The following PTPRG variants were observed in gnomAD, a reference collection of about 807,000 sequenced individuals.
The protein encoded by PTPRG is receptor-type tyrosine-protein phosphatase gamma.
A neutral mutation model predicts 165.3 loss-of-function variants in PTPRG; 102 were observed. The ratio of observed to expected loss-of-function variants is 0.62; its 90% confidence interval spans 0.53 to 0.73. PTPRG has a LOEUF of 0.73. PTPRG is among the 30% of genes least tolerant of loss of function. PTPRG has a pLI of 0.00. For missense variants in PTPRG, 1,866 were observed against 1,861.4 expected, an observed-to-expected ratio of 1.00 and a Z score of -0.05; for synonymous variants, 675 against 669.5, an observed-to-expected ratio of 1.01 and a Z score of -0.13.
intron 2 of PTPRG, among the ~76,000 whole-genome samples, chr3:61,817,303 A>G (rs1258652842): frequency 1.4e-5 from 2 of 147,072 alleles, no homozygotes; most frequent in African/African-American, 5.0e-5. Context: ...TTTTTTTTAA[A>G]TGGTTCAACA....
chr3:61,647,135 A>G (rs1171608194), intron 1 of PTPRG, among the ~76,000 whole-genome samples: 1 of 152,224 alleles, frequency 6.6e-6, no homozygotes, highest in African/African-American at 2.4e-5. Context: ...CAAGGGTGCC[A>G]TTGCTGGGTC....
At chr3:61,765,523 A>G (rs1175190627) in intron 2 of PTPRG, among the ~76,000 whole-genome samples, 3 of 152,176 alleles carry the variant, frequency 2.0e-5, no homozygotes, top group African/African-American at 4.8e-5. Context: ...CCAAGCCCCT[A>G]CAGCACCCTG....
chr3:62,096,720 A>T (rs976898863), intron 5 of PTPRG, among the ~76,000 whole-genome samples: 2 of 152,240 alleles, frequency 1.3e-5, no homozygotes, highest in African/African-American at 2.4e-5. Context: ...TAAAAATGAC[A>T]GTCAGCATTT....
chr3:62,202,708 G>A lies in PTPRG; in HGVS notation c.1378-465G>A, dbSNP rs141280527. 2.0e-3 allele frequency among the ~76,000 whole-genome samples: 302 copies of A among 152,318 alleles called. 1 individual carries two copies. The highest frequency in any genetic ancestry group is 7.0e-3 in the African/African-American group (289 of 41,562). The stretch of plus-strand genomic sequence containing the variant: ...TTCCTCACTGGGAGACAGTGGGGTT[G>A]GACTGGATCACCCAGTATCTTTCCA... On this transcript the variant is annotated intron_variant, in intron 11 of 29. Transcript: ENST00000474889.
In PTPRG at chr3:61,621,750, CA is replaced by C. The variant is rs776341646; in HGVS notation, c.85+59380del. 6.6e-5 allele frequency among the ~76,000 whole-genome samples: 10 copies of C among 152,258 alleles called. No individual in the cohort carries two copies. The East Asian group carries it at 1.5e-3, about 24-fold the overall frequency. On this transcript the variant is annotated intron_variant, in intron 1 of 29. Coordinates refer to ENST00000474889, the MANE Select transcript of PTPRG (RefSeq NM_002841.4). ...TATTTGGATGAGTGAATGAATGAAT[CA>C]ATAGATATGTCCCTTCATCCAAACT... is the stretch of plus-strand genomic sequence containing the variant.
chr3:61,728,165 A>T (rs568770111), intron 1 of PTPRG, among the ~76,000 whole-genome samples: 1 of 152,116 alleles, frequency 6.6e-6, no homozygotes, highest in South Asian at 2.1e-4. Context: ...GTCCCATATG[A>T]TTTACTTTCT....
At chr3:61,923,305 T>C (rs1389113140) in intron 2 of PTPRG, among the ~76,000 whole-genome samples, 3 of 152,176 alleles carry the variant, frequency 2.0e-5, no homozygotes, top group African/African-American at 7.2e-5. Context: ...TGCTAAGAAT[T>C]GATTTAACCG....
chr3:61,890,408 C>CTT (rs1451955677), intron 2 of PTPRG, among the ~76,000 whole-genome samples: 1 of 89,904 alleles, frequency 1.1e-5, no homozygotes, highest in African/African-American at 7.0e-5. Flanking sequence ...GTTTCTTGTT[C>CTT]TTTGTTTTTT....
intron 17 of PTPRG, among the ~76,000 whole-genome samples, chr3:62,265,867 C>G (rs1382820848): frequency 7.7e-6 from 1 of 130,684 alleles, no homozygotes; most frequent in Non-Finnish European, 1.6e-5. Flanking sequence ...CACACACACA[C>G]ACACACACGT....
intron 8 of PTPRG, among the ~76,000 whole-genome samples, chr3:62,173,542 C>T (rs1218248056): frequency 2.0e-5 from 3 of 152,172 alleles, no homozygotes; most frequent in Non-Finnish European, 4.4e-5. Context: ...TTGTAAGATA[C>T]ATATTTTCTG....
At chr3:62,134,188 T>C (rs537831604) in intron 6 of PTPRG, among the ~76,000 whole-genome samples, 25 of 152,136 alleles carry the variant, frequency 1.6e-4, no homozygotes, top group Non-Finnish European at 2.9e-4. Context: ...AAAAACGATA[T>C]CTGGCTCTGG....
chr3:61,953,293 T>G (rs2039941919), intron 2 of PTPRG, among the ~76,000 whole-genome samples: 2 of 152,182 alleles, frequency 1.3e-5, no homozygotes, highest in South Asian at 4.1e-4. Flanking sequence ...CTACTGACAA[T>G]GAAGAATTGC....
chr3:62,244,499 C>CTTT (rs1387403257), intron 15 of PTPRG, among the ~76,000 whole-genome samples: 1 of 152,118 alleles, frequency 6.6e-6, no homozygotes, highest in African/African-American at 2.4e-5. Context: ...TTTGGCATCC[C>CTTT]TTCTTCTTTG....
In PTPRG at chr3:62,286,628, G is replaced by GTAAA. The variant is rs765901030; in HGVS notation, c.4055+3764_4055+3767dup. Among the ~76,000 whole-genome samples the GTAAA allele has an allele frequency of 3.3e-5, 5 of 151,800 alleles. No individual in the cohort carries two copies. The East Asian group carries it at 9.7e-4, about 29-fold the overall frequency. On this transcript the variant is annotated intron_variant, in intron 28 of 29. Transcript: ENST00000474889. ...TCATTTCTTTTGTAAAATCTTTGAA[G>GTAAA]TAAATAAAGGCAGGGAAAGATGAAA...
intron 1 of PTPRG, among the ~76,000 whole-genome samples, chr3:61,651,867 GGGCATGGT>G (rs1365987191): frequency 2.0e-5 from 3 of 152,000 alleles, no homozygotes; most frequent in African/African-American, 7.2e-5. Flanking sequence ...AAACTTAGCC[GGGCATGGT>G]GACACACACC....
chr3:62,101,779 T>C lies in PTPRG; in HGVS notation c.615+23521T>C, dbSNP rs539158319. On this transcript the variant is annotated intron_variant, in intron 5 of 29. Transcript: ENST00000474889. Reference sequence around the variant, plus strand: ...ACCACTTCCTGGGAATGGAACCACATAGAGCAAAAATAATGAACTATTTAA... The same window carrying C: ...ACCACTTCCTGGGAATGGAACCACACAGAGCAAAAATAATGAACTATTTAA... Among the ~76,000 whole-genome samples the C allele has an allele frequency of 4.6e-5, 7 of 152,348 alleles. No homozygotes were observed. In the East Asian group the frequency reaches 1.2e-3, roughly 25 times the overall value.
At chr3:62,124,155 A>G in intron 5 of PTPRG, 1 of 668,656 alleles carries the variant, frequency 1.5e-6, no homozygotes, top group Non-Finnish European at 2.6e-6. Context: ...GGTTCTGTGA[A>G]TTTGTTGTTG....
rs993198098 is a variant in PTPRG, at chr3:62,271,092, T to C, written c.3010-291T>C. Among the ~76,000 whole-genome samples, 1 of 151,814 alleles carries C rather than the reference T, an allele frequency of 6.6e-6. No individual in the cohort carries two copies. The highest frequency in any genetic ancestry group is 1.5e-5 in the Non-Finnish European group (1 of 67,918). ...GGAAATGGAGGCCTTGCAGGAAAAG[T>C]ACAAGTGCTTTGGATAGTTCCAAAT... On this transcript the variant is annotated intron_variant, in intron 20 of 29. Coordinates refer to ENST00000474889, the MANE Select transcript of PTPRG (RefSeq NM_002841.4). The surrounding 1 kb of genome is among the most constrained non-coding windows in gnomAD (Gnocchi z 4.1).
chr3:62,174,675 T>C (rs1050740812), intron 8 of PTPRG, among the ~76,000 whole-genome samples: 1 of 152,244 alleles, frequency 6.6e-6, no homozygotes, highest in Non-Finnish European at 1.5e-5. Flanking sequence ...ATTGAAATCA[T>C]GGTTTTCTGC....
Sources: allele counts gnomAD v4.1 joint callset (sites outside exome capture counted in the v4.1 genomes callset), GRCh38; gene constraint gnomAD v4.1.1; non-coding constraint Gnocchi (gnomAD v3.1); transcripts MANE v1.5; gene names NCBI Gene and HGNC (gene_info 2026-07-23, HGNC 2026-07-21).